PKIB: variants seen among roughly 807,000 people sequenced by gnomAD.
PKIB encodes the protein PKI-beta.
In PKIB, 2 loss-of-function variants were observed where a neutral mutation model predicts 4.5. The observed-to-expected ratio is 0.44, with a 90% CI of 0.18 to 1.39. The LOEUF is 1.39. Ranked by LOEUF, PKIB falls within the 40% of genes most tolerant of loss-of-function variation. The probability of loss-of-function intolerance (pLI) is 0.27; values close to 1 mark genes in which losing one functional copy is unlikely to be tolerated. For missense variants in PKIB, 94 were observed against 92.6 expected, an observed-to-expected ratio of 1.02 and a Z score of -0.06; for synonymous variants, 38 against 36.0, an observed-to-expected ratio of 1.06 and a Z score of -0.20.
intron 2 of PKIB, among the ~76,000 whole-genome samples, chr6:122,571,128 C>T (rs1773354624): frequency 6.6e-6 from 1 of 151,668 alleles, no homozygotes; most frequent in African/African-American, 2.4e-5. Flanking sequence ...CAATATTAGA[C>T]AAGAACACGT....
chr6:122,532,573 C>T (rs185585881), intron 2 of PKIB, among the ~76,000 whole-genome samples: 10 of 152,288 alleles, frequency 6.6e-5, no homozygotes, highest in African/African-American at 2.2e-4. Context: ...CCTTCTTTAT[C>T]TGTGAATTTG....
rs191807260 is a variant in PKIB, at chr6:122,569,962, T to C, written c.-247-15959T>C. Among the ~76,000 whole-genome samples the C allele has an allele frequency of 2.3e-3, 344 of 152,242 alleles. 7 individuals are homozygous for C. The highest frequency in any genetic ancestry group is 0.019 in the Admixed American group (297 of 15,294). ...ATCATTAAGGGTCTTGGAGACGGTGTCCTTATTCCCATGAGTACACCACTG... is the reference window on the plus strand; with the variant it reads ...ATCATTAAGGGTCTTGGAGACGGTGCCCTTATTCCCATGAGTACACCACTG... On this transcript the variant is annotated intron_variant, in intron 2 of 6. Transcript: ENST00000392491.
intron 2 of PKIB, among the ~76,000 whole-genome samples, chr6:122,663,726 G>T (rs1205742464): frequency 6.6e-6 from 1 of 152,164 alleles, no homozygotes. Context: ...TCAAGGGACT[G>T]CCCTACTCCA....
At chr6:122,646,031 A>T (rs1776301385) in intron 2 of PKIB, among the ~76,000 whole-genome samples, 3 of 152,060 alleles carry the variant, frequency 2.0e-5, no homozygotes, top group Admixed American at 2.0e-4. Flanking sequence ...TGCGGTTGAA[A>T]CTGCTCACAT....
intron 2 of PKIB, chr6:122,643,595 C>T (rs1334485383): frequency 2.0e-5 from 3 of 152,272 alleles, no homozygotes; most frequent in South Asian, 2.1e-4. Flanking sequence ...TCTACAAATA[C>T]GTTCAGCCTG....
intron 2 of PKIB, among the ~76,000 whole-genome samples, chr6:122,572,098 A>C (rs936373186): frequency 6.6e-6 from 1 of 152,180 alleles, no homozygotes; most frequent in Non-Finnish European, 1.5e-5. Context: ...AAGGGGTGGA[A>C]GAAGGTATTC....
At chr6:122,514,294 G>GA (rs1394118998) in intron 2 of PKIB, among the ~76,000 whole-genome samples, 7 of 152,054 alleles carry the variant, frequency 4.6e-5, no homozygotes, top group South Asian at 2.1e-4. Context: ...TGTATGCCTG[G>GA]AAAAAAACCC....
Position 122,658,207 on chromosome 6 carries a change from T to A in PKIB, c.-75-16871T>A, listed in dbSNP as rs187493265. 1.1e-4 allele frequency among the ~76,000 whole-genome samples: 16 copies of A among 152,324 alleles called. No individual in the cohort carries two copies. In the East Asian group the frequency reaches 3.1e-3, roughly 29 times the overall value. ...ATTAATTGAAAATATTAGACATAAC[T>A]TATATTTGCAGAACTAGTTTGGGCC... On this transcript the variant is annotated intron_variant, in intron 2 of 4. Transcript: ENST00000368452.
At position 122,668,052 on chromosome 6, in the gene PKIB, C is replaced by G. The variant is rs556881094; in HGVS notation, c.-75-7026C>G. 4.9e-4 allele frequency among the ~76,000 whole-genome samples: 75 copies of G among 152,252 alleles called. 1 individual carries two copies. In the South Asian group the frequency reaches 8.7e-3, roughly 18 times the overall value. ...AAAATAAGAAAAGAAGGTTTCTTTCCCCTCAAGCTAATTTCTTGGTGTACA... is the reference window on the plus strand; with the variant it reads ...AAAATAAGAAAAGAAGGTTTCTTTCGCCTCAAGCTAATTTCTTGGTGTACA... On this transcript the variant is annotated intron_variant, in intron 2 of 4. Transcript: ENST00000368452.
chr6:122,682,516 A>C (rs548907800), intron 3 of PKIB, among the ~76,000 whole-genome samples: 1 of 152,284 alleles, frequency 6.6e-6, no homozygotes, highest in East Asian at 1.9e-4. Context: ...GGATTATCTA[A>C]AAACTGTAGG....
intron 2 of PKIB, among the ~76,000 whole-genome samples, chr6:122,637,476 G>A (rs1775967860): frequency 6.6e-6 from 1 of 152,080 alleles, no homozygotes; most frequent in South Asian, 2.1e-4. Flanking sequence ...AAAGATGAAG[G>A]CCAGGTGCGG....
intron 3 of PKIB, among the ~76,000 whole-genome samples, chr6:122,590,102 A>C (rs926759851): frequency 5.9e-5 from 9 of 152,216 alleles, no homozygotes; most frequent in Non-Finnish European, 1.2e-4. Flanking sequence ...TAAAGTATTC[A>C]GAAATGCCAA....
intron 2 of PKIB, among the ~76,000 whole-genome samples, chr6:122,496,188 T>C (rs1776072431): frequency 6.6e-6 from 1 of 152,180 alleles, no homozygotes; most frequent in Non-Finnish European, 1.5e-5. Context: ...TACTGGCCTG[T>C]AGGTCAAACC....
intron 3 of PKIB, among the ~76,000 whole-genome samples, chr6:122,603,425 C>T (rs1032439303): frequency 2.0e-5 from 3 of 151,988 alleles, no homozygotes; most frequent in South Asian, 4.2e-4. Flanking sequence ...TTTATGTATC[C>T]GTGCACAGAA....
At chr6:122,704,247 G>T (rs1778963315) in intron 3 of PKIB, among the ~76,000 whole-genome samples, 1 of 151,968 alleles carries the variant, frequency 6.6e-6, no homozygotes, top group South Asian at 2.1e-4. Context: ...ATATTGAGAA[G>T]GGCAATGTGT....
In PKIB at chr6:122,543,200, T is replaced by C. The variant is rs569870915; in HGVS notation, c.-247-42721T>C. On this transcript the variant is annotated intron_variant, in intron 2 of 6. Transcript: ENST00000392491. ...CAATGCCTCGCCCTGCTTTGGCTCA[T>C]GCATGGTGTGCTGCACCCACTGTCT... Among the ~76,000 whole-genome samples the C allele has an allele frequency of 2.0e-5, 3 of 151,960 alleles. No individual in the cohort carries two copies. In the South Asian group the frequency reaches 6.2e-4, roughly 32 times the overall value.
At chr6:122,700,770 T>C (rs146037584) in intron 3 of PKIB, among the ~76,000 whole-genome samples, 267 of 152,346 alleles carry the variant, frequency 1.8e-3, no homozygotes, top group African/African-American at 6.1e-3. Context: ...GTGCAAACTT[T>C]CTGGGTACTT....
chr6:122,726,253 A>T lies in PKIB; in HGVS notation c.*1058A>T, dbSNP rs1779946338. ...GAAGTTTTAAAAATGTCAGTAATTA[A>T]TTTATTTTCATTTTCAGAAATATAT... On this transcript the variant is annotated 3_prime_UTR_variant, in exon 5 of 5. Transcript: ENST00000368452. 1 of 152,140 alleles carries T rather than the reference A, an allele frequency of 6.6e-6. No individual in the cohort carries two copies. Among genetic ancestry groups the T allele is most frequent in the Non-Finnish European group, 1.5e-5 (1 of 67,994 alleles). 9.4% of individuals were successfully genotyped at this position (152,140 alleles called of 1,614,324 possible).
At chr6:122,484,741 C>T (rs1042294719) in intron 2 of PKIB, among the ~76,000 whole-genome samples, 4 of 152,126 alleles carry the variant, frequency 2.6e-5, no homozygotes, top group Non-Finnish European at 2.9e-5. Flanking sequence ...TATCACATCC[C>T]GTGGATCATC....
Sources: gnomAD v4.1 joint callset for allele counts (sites outside exome capture counted in the v4.1 genomes callset) on GRCh38, gnomAD v4.1.1 for gene constraint, MANE v1.5 for transcripts, NCBI Gene and HGNC (gene_info 2026-07-23, HGNC 2026-07-21) for gene names.